CIT: variants seen among roughly 807,000 people sequenced by gnomAD.
The protein encoded by CIT is citron Rho-interacting kinase.
A neutral mutation model predicts 272.7 loss-of-function variants in CIT; 79 were observed. That is an observed-to-expected ratio of 0.29 (90% CI 0.24 to 0.35). The LOEUF (loss-of-function observed/expected upper bound fraction) is 0.35. Among genes scored for constraint, CIT ranks in the 10% least tolerant of loss-of-function variants. The pLI is 1.00. For synonymous variants in CIT, 948 were observed against 995.6 expected, an observed-to-expected ratio of 0.95 and a Z score of 0.90; for missense variants, 1,909 against 2,618.3, an observed-to-expected ratio of 0.73 and a Z score of 5.91.
intron 5 of CIT, among the ~76,000 whole-genome samples, chr12:119,844,892 A>T (rs2138206171): frequency 6.6e-6 from 1 of 152,220 alleles, no homozygotes; most frequent in South Asian, 2.1e-4. Flanking sequence ...AGGCTGAAGC[A>T]GGCGGATCAT....
intron 2 of CIT, among the ~76,000 whole-genome samples, chr12:119,871,257 T>C (rs945363278): frequency 3.9e-5 from 6 of 152,118 alleles, no homozygotes; most frequent in Non-Finnish European, 5.9e-5. Context: ...TAATCCCAGC[T>C]GAATGTAGCC....
chr12:119,783,749 C>T, intron 12 of CIT, 159 bp downstream of exon 12: 1 of 864,882 alleles, frequency 1.2e-6, no homozygotes, highest in Non-Finnish European at 1.7e-6. Context: ...GCCTGGCTCT[C>T]ACTACTCTGC....
intron 9 of CIT, among the ~76,000 whole-genome samples, chr12:119,817,863 C>T (rs148936124): frequency 1.3e-3 from 192 of 151,676 alleles, no homozygotes; most frequent in Non-Finnish European, 1.9e-3. Context: ...TCACTTGAGC[C>T]CACAAGTTTG....
In CIT at chr12:119,866,829, T is replaced by C. The variant is rs1045326528; in HGVS notation, c.238+2231A>G. Among the ~76,000 whole-genome samples, 8 of 152,136 alleles carry C rather than the reference T, an allele frequency of 5.3e-5. No homozygotes were observed. The South Asian group carries it at 1.7e-3, about 32-fold the overall frequency. On this transcript the variant is annotated intron_variant, in intron 3 of 47. Coordinates refer to ENST00000392521, the MANE Select transcript of CIT (RefSeq NM_001206999.2). ...TTGTCTCAAAAAAAAATAAATAAAA[T>C]GAAATAAAATGCTGTTATGATGTGA...
rs777138042 is a variant in CIT at position 119,712,627 on chromosome 12, C to T, written c.4648G>A (p.Val1550Ile). ...PDGDVSIHGA[V>I]GASELANTAK... ...GTATTTGCGAGTTCGGAAGCACCAA[C>T]GGCACCATGAATAGATACATCCCCG... The change falls in exon 36 of 48, where the codon GTT becomes ATT. Residue 1550 changes from valine (V) to isoleucine (I), a missense_variant. Val to Ile is a conservative substitution (Grantham distance 29). Transcript: ENST00000392521. This position sits in a 1 kb window ranked among gnomAD's most constrained non-coding sequence, Gnocchi z 5.2. 12 of 1,614,176 alleles carry T rather than the reference C, an allele frequency of 7.4e-6. No homozygotes were observed. Among genetic ancestry groups the T allele is most frequent in the Admixed American group, 1.7e-5 (1 of 60,030 alleles).
chr12:119,813,120 C>T (rs1027676911), intron 9 of CIT, among the ~76,000 whole-genome samples: 2 of 152,154 alleles, frequency 1.3e-5, no homozygotes, highest in African/African-American at 4.8e-5. Context: ...TTACCAGAGC[C>T]CTGCATCAGA....
At chr12:119,783,614 A>G (rs113045078) in intron 12 of CIT, 33 of 238,848 alleles carry the variant, frequency 1.4e-4, no homozygotes, top group African/African-American at 6.3e-4. Flanking sequence ...GGGATGGGAG[A>G]TGTTAAGATC....
chr12:119,821,785 T>C (rs547884759), intron 9 of CIT, among the ~76,000 whole-genome samples: 1 of 152,300 alleles, frequency 6.6e-6, no homozygotes, highest in Admixed American at 6.5e-5. Context: ...CTTGGAGATT[T>C]GGGGGGAGAT....
At chr12:119,745,941 C>T (rs888766118) in intron 23 of CIT, among the ~76,000 whole-genome samples, 1 of 152,132 alleles carries the variant, frequency 6.6e-6, no homozygotes, top group Non-Finnish European at 1.5e-5. Flanking sequence ...TTTAACAGAT[C>T]TTAATTTTTT....
intron 22 of CIT, among the ~76,000 whole-genome samples, chr12:119,753,622 A>C (rs1350890538): frequency 6.6e-6 from 1 of 152,064 alleles, no homozygotes; most frequent in East Asian, 1.9e-4. Flanking sequence ...CTGTAGTACC[A>C]GCTACTCAGG....
chr12:119,829,339 AAGAAAAGAAG>A (rs1490407720), intron 7 of CIT, among the ~76,000 whole-genome samples: 4 of 91,042 alleles, frequency 4.4e-5, no homozygotes, highest in African/African-American at 1.1e-4. Flanking sequence ...TCTGTCTTGA[AAGAAAAGAAG>A]AGAAGAGAAG....
intron 3 of CIT, among the ~76,000 whole-genome samples, chr12:119,858,530 A>G (rs75681542): frequency 2.7e-5 from 4 of 150,698 alleles, no homozygotes; most frequent in Admixed American, 1.3e-4. Context: ...AAAAAAAAAA[A>G]GGCGTGGGGG....
rs1957239118 is a variant in CIT at position 119,712,860 on chromosome 12, G to A, written c.4580-165C>T. On this transcript the variant is annotated intron_variant, in intron 35 of 47. Transcript: ENST00000392521. The surrounding 1 kb of genome is among the most constrained non-coding windows in gnomAD (Gnocchi z 5.2). Reference sequence around the variant, plus strand: ...GACAGAGGTGTGCAGAGAAGGCAGAGAGGGAAGATAAAAAAAAATAAAGTG... The same window carrying A: ...GACAGAGGTGTGCAGAGAAGGCAGAAAGGGAAGATAAAAAAAAATAAAGTG... 6.6e-6 allele frequency among the ~76,000 whole-genome samples: 1 copy of A among 152,050 alleles called. No homozygotes were observed. The highest frequency in any genetic ancestry group is 2.4e-5 in the African/African-American group (1 of 41,406).
At position 119,719,065 on chromosome 12, in the gene CIT, G is replaced by A. The variant is rs1037159809; in HGVS notation, c.3841-204C>T. On this transcript the variant is annotated intron_variant, in intron 30 of 47. Coordinates refer to ENST00000392521, the MANE Select transcript of CIT (RefSeq NM_001206999.2). ...AGCCGGCTGAAAAAAATAGGGGTGC[G>A]GAAGTTTTCACCAAGAGGATTAAAG... 27 of 551,824 alleles carry A rather than the reference G, an allele frequency of 4.9e-5. 1 individual carries two copies. Among genetic ancestry groups the A allele is most frequent in the African/African-American group, 2.8e-4 (15 of 52,978 alleles). 34.2% of individuals were successfully genotyped at this position (551,824 alleles called of 1,614,324 possible). A position where few individuals can be genotyped will look rare whatever the true frequency, so the allele number is the denominator to read the frequency against.
chr12:119,715,402 C>T (rs1030800030), intron 32 of CIT, among the ~76,000 whole-genome samples: 1 of 152,150 alleles, frequency 6.6e-6, no homozygotes, highest in African/African-American at 2.4e-5. Flanking sequence ...ACCTTGAAAA[C>T]ATTACATTCC....
At chr12:119,857,788 T>C in intron 3 of CIT, 90 bp from the exon 4 acceptor site, 1 of 1,156,534 alleles carries the variant, frequency 8.6e-7, no homozygotes, top group Non-Finnish European at 1.2e-6. Context: ...AAAATAGCAT[T>C]CGGATAGCTT....
intron 2 of CIT, among the ~76,000 whole-genome samples, chr12:119,873,090 A>G (rs769955006): frequency 3.3e-5 from 5 of 150,518 alleles, no homozygotes; most frequent in African/African-American, 7.3e-5. Context: ...GAGCCACCAC[A>G]CCTGGCCTGT....
chr12:119,760,679 G>A (rs553677312), intron 20 of CIT, among the ~76,000 whole-genome samples: 3 of 150,066 alleles, frequency 2.0e-5, no homozygotes, highest in African/African-American at 7.3e-5. Flanking sequence ...TTTTGTCAGG[G>A]GCATTTAGAA....
intron 22 of CIT, among the ~76,000 whole-genome samples, chr12:119,755,889 A>G (rs888420099): frequency 6.6e-6 from 1 of 151,938 alleles, no homozygotes; most frequent in African/African-American, 2.4e-5. Flanking sequence ...TTGTCTTTTA[A>G]TCTCCCACCG....
Sources: gnomAD v4.1 joint callset for allele counts (sites outside exome capture counted in the v4.1 genomes callset) on GRCh38, gnomAD v4.1.1 for gene constraint, Gnocchi (gnomAD v3.1) non-coding constraint, MANE v1.5 for transcripts, NCBI Gene and HGNC (gene_info 2026-07-23, HGNC 2026-07-21) for gene names.